DHRS7: variants seen among roughly 807,000 people sequenced by gnomAD.
DHRS7 encodes dehydrogenase/reductase 7.
Under a neutral mutation model 38.9 loss-of-function variants are expected in DHRS7, and 34 were observed. The ratio of observed to expected loss-of-function variants is 0.87; its 90% CI spans 0.66 to 1.16. The LOEUF (loss-of-function observed/expected upper bound fraction) is 1.16. Ranked by LOEUF, DHRS7 falls within the 50% of genes most tolerant of loss-of-function variation. DHRS7 has a pLI of 0.00. For synonymous variants in DHRS7, 158 were observed against 153.1 expected (o/e 1.03, Z -0.24); for missense variants, 421 against 407.0 (o/e 1.03, Z -0.30).
In DHRS7 at chr14:60,148,096, G is replaced by T. The variant is rs1896452249; in HGVS notation, c.972+1257C>A. 1 of 152,198 alleles carries T rather than the reference G, an allele frequency of 6.6e-6. No homozygotes were observed. The highest frequency in any genetic ancestry group is 1.5e-5 in the Non-Finnish European group (1 of 68,056). The allele number at this position is 152,198 out of a possible 1,614,324, so 9.4% of individuals were successfully genotyped here. On this transcript the variant is annotated intron_variant, in intron 6 of 6. Coordinates refer to ENST00000557185, the MANE Select transcript of DHRS7 (RefSeq NM_016029.4). This position sits in a 1 kb window ranked among gnomAD's most constrained non-coding sequence, Gnocchi z 4.8. ...GATTTTTCACACTCTGGACATTTTA[G>T]TGTGTCATGACCCAGTCTGATAACC...
intron 4 of DHRS7, among the ~76,000 whole-genome samples, chr14:60,150,739 C>T (rs1896526639): frequency 6.6e-6 from 1 of 152,020 alleles, no homozygotes; most frequent in Non-Finnish European, 1.5e-5. Flanking sequence ...GAGTTGGTTC[C>T]AAGTCTTTGC....
At chr14:60,163,172 A>C (rs1340759216) in intron 1 of DHRS7, among the ~76,000 whole-genome samples, 1 of 152,126 alleles carries the variant, frequency 6.6e-6, no homozygotes, top group African/African-American at 2.4e-5. Flanking sequence ...TCTGTCTCAA[A>C]AAAAAAAAGA....
At chr14:60,152,100 T>C (rs1896558311) in intron 4 of DHRS7, among the ~76,000 whole-genome samples, 1 of 152,238 alleles carries the variant, frequency 6.6e-6, no homozygotes, top group African/African-American at 2.4e-5. Context: ...AAGCTTCAAA[T>C]TTTCATGAAA....
rs1235252269 is a variant in DHRS7, at chr14:60,144,243, G to C, written c.*723C>G. The C allele has an allele frequency of 6.6e-6, 1 of 152,184 alleles. No individual in the cohort carries two copies. Among genetic ancestry groups the C allele is most frequent in the Non-Finnish European group, 1.5e-5 (1 of 68,048 alleles). 9.4% of individuals were successfully genotyped at this position (152,184 alleles called of 1,614,324 possible). A position where few individuals can be genotyped will look rare whatever the true frequency, so the allele number is the denominator to read the frequency against. On this transcript the variant is annotated 3_prime_UTR_variant, in exon 7 of 7. Transcript: ENST00000557185. ...AAGAGTATAAGCATCTTGGAGGTAA[G>C]GTCATTTCAAATACTTCTTTATATC...
chr14:60,166,336 T>C (rs1896866874), upstream of DHRS7: 1 of 938,040 alleles, frequency 1.1e-6, no homozygotes. Flanking sequence ...GAACGACCTG[T>C]GGCCAAATGG....
At position 60,152,927 on chromosome 14, in the gene DHRS7, G is replaced by T; in HGVS notation, c.633+12C>A. On this transcript the variant is annotated intron_variant, in intron 4 of 6. Coordinates refer to ENST00000557185, the MANE Select transcript of DHRS7 (RefSeq NM_016029.4). The stretch of plus-strand genomic sequence containing the variant: ...AGTCAGTTCTATCAGAGTTGAGTTT[G>T]AGCAGCCTTACCCGGAGAGCATGCT... The T allele has an allele frequency of 6.2e-7, 1 of 1,613,812 alleles. No individual in the cohort carries two copies. Among genetic ancestry groups the T allele is most frequent in the South Asian group, 1.1e-5 (1 of 91,044 alleles).
In DHRS7 at chr14:60,153,059, TTTTGTCAA is replaced by T. The variant is rs1215541259; in HGVS notation, c.505_512del (p.Leu169MetfsTer19). 6.2e-7 allele frequency: 1 copy of T among 1,614,234 alleles called. No homozygotes were observed. The highest frequency in any genetic ancestry group is 2.2e-5 in the East Asian group (1 of 44,890). ...TCTCGATCATGTGAGGCAGAACACA[TTTTGTCAA>T]GGACACCGTCCCTAAGTAGTTAAGC... is the stretch of plus-strand genomic sequence containing the variant. On this transcript the variant is annotated frameshift_variant, in exon 4 of 7. Transcript: ENST00000557185. LOFTEE classifies it high-confidence loss of function. This position sits in a 1 kb window ranked among gnomAD's most constrained non-coding sequence, Gnocchi z 4.4.
At chr14:60,168,847 G>A (rs888462748), upstream of DHRS7, 6 of 1,398,326 alleles carry the variant, frequency 4.3e-6, no homozygotes, top group Non-Finnish European at 5.8e-6. Flanking sequence ...ATAAACCAAA[G>A]CATAAGGTCA....
At chr14:60,163,925 A>G (rs1426364057) in intron 1 of DHRS7, among the ~76,000 whole-genome samples, 7 of 152,206 alleles carry the variant, frequency 4.6e-5, no homozygotes, top group African/African-American at 1.7e-4. Context: ...GGAACAATCG[A>G]TCAAGAGAAA....
chr14:60,160,248 A>G (rs973976329), intron 1 of DHRS7, among the ~76,000 whole-genome samples: 6 of 149,588 alleles, frequency 4.0e-5, no homozygotes, highest in African/African-American at 1.5e-4. Flanking sequence ...AATTGCTTGA[A>G]CCTCTAGGAG....
intron 1 of DHRS7, among the ~76,000 whole-genome samples, chr14:60,160,183 G>C (rs929199768): frequency 6.6e-6 from 1 of 151,964 alleles, no homozygotes; most frequent in Non-Finnish European, 1.5e-5. Flanking sequence ...AAAATTAGCT[G>C]GGCGTGGTGG....
chr14:60,164,271 C>A (rs539098180), intron 1 of DHRS7, among the ~76,000 whole-genome samples: 2 of 144,790 alleles, frequency 1.4e-5, no homozygotes, highest in African/African-American at 2.5e-5. Flanking sequence ...ACGCCCCCCC[C>A]AAACATAGTC....
At chr14:60,167,334 G>T (rs945657722), upstream of DHRS7, among the ~76,000 whole-genome samples, 3 of 152,196 alleles carry the variant, frequency 2.0e-5, no homozygotes, top group African/African-American at 4.8e-5. Flanking sequence ...AATGAGAGTT[G>T]CTAGCATTTA....
intron 4 of DHRS7, among the ~76,000 whole-genome samples, chr14:60,151,099 G>A (rs1896535556): frequency 6.6e-6 from 1 of 152,186 alleles, no homozygotes; most frequent in African/African-American, 2.4e-5. Context: ...GAAAGTATCA[G>A]AAAGAATGAA....
chr14:60,164,269 C>G lies in DHRS7; in HGVS notation c.133+908G>C, dbSNP rs183454344. On this transcript the variant is annotated intron_variant, in intron 1 of 6. Coordinates refer to ENST00000557185, the MANE Select transcript of DHRS7 (RefSeq NM_016029.4). ...TCAACGCCCAACCCATAACGCCCCC[C>G]CCAAACATAGTCTATCTTTCGAGCT... Among the ~76,000 whole-genome samples the G allele has an allele frequency of 6.7e-3, 961 of 144,246 alleles. 13 individuals are homozygous for G. The highest frequency in any genetic ancestry group is 0.018 in the African/African-American group (720 of 39,120). The allele number at this position is 144,246 out of a possible 152,430, so 94.6% of individuals were successfully genotyped here. A position where few individuals can be genotyped will look rare whatever the true frequency, so the allele number is the denominator to read the frequency against.
At chr14:60,167,252 G>T (rs1040023536), upstream of DHRS7, among the ~76,000 whole-genome samples, 2 of 152,136 alleles carry the variant, frequency 1.3e-5, no homozygotes, top group Non-Finnish European at 2.9e-5. Context: ...TACACCTACT[G>T]TGTACCCACA....
chr14:60,151,984 G>C (rs191678564), intron 4 of DHRS7, among the ~76,000 whole-genome samples: 3 of 152,298 alleles, frequency 2.0e-5, no homozygotes, highest in Admixed American at 2.0e-4. Context: ...GGAAGTGACT[G>C]ATGCCTGTTA....
intron 1 of DHRS7, among the ~76,000 whole-genome samples, chr14:60,157,499 A>G (rs1446333760): frequency 6.6e-6 from 1 of 152,240 alleles, no homozygotes; most frequent in Non-Finnish European, 1.5e-5. Context: ...CAGAGTTACC[A>G]ATTCTAATGG....
chr14:60,156,129 C>CCA lies in DHRS7; in HGVS notation c.155_156dup (p.Val53TrpfsTer4). ...CCACTCGAGGCTCCAGTCACCCACACCACCATATCAGTCAGCTCCCATTCT... is the reference window on the plus strand; with the variant it reads ...CCACTCGAGGCTCCAGTCACCCACACCACACCATATCAGTCAGCTCCCATTCT... On this transcript the variant is annotated frameshift_variant, in exon 2 of 7. Coordinates refer to ENST00000557185, the MANE Select transcript of DHRS7 (RefSeq NM_016029.4). LOFTEE classifies it high-confidence loss of function. 1 of 1,596,574 alleles carries CCA rather than the reference C, an allele frequency of 6.3e-7. No individual in the cohort carries two copies. The highest frequency in any genetic ancestry group is 8.5e-7 in the Non-Finnish European group (1 of 1,171,356).
Sources: gnomAD v4.1 joint callset for allele counts (sites outside exome capture counted in the v4.1 genomes callset) on GRCh38, gnomAD v4.1.1 for gene constraint, Gnocchi (gnomAD v3.1) non-coding constraint, MANE v1.5 for transcripts, NCBI Gene and HGNC (gene_info 2026-07-23, HGNC 2026-07-21) for gene names.